The following CNTN3 variants were observed in gnomAD, a reference collection of about 807,000 sequenced individuals.
CNTN3 encodes the protein contactin-3.
In CNTN3, 60 loss-of-function variants were observed where a neutral mutation model predicts 119.1. The ratio of observed to expected loss-of-function variants is 0.50; its 90% CI spans 0.41 to 0.62. The LOEUF (loss-of-function observed/expected upper bound fraction) is 0.62. Among genes scored for constraint, CNTN3 ranks in the 20% least tolerant of loss-of-function variants. The probability of loss-of-function intolerance (pLI) is 0.00; values close to 1 mark genes in which losing one functional copy is unlikely to be tolerated. For synonymous variants in CNTN3, 450 were observed against 438.7 expected, an observed-to-expected ratio of 1.03 and a Z score of -0.32; for missense variants, 1,101 against 1,242.4, an observed-to-expected ratio of 0.89 and a Z score of 1.71.
At chr3:74,309,033 T>C (rs1702623718) in intron 13 of CNTN3, among the ~76,000 whole-genome samples, 1 of 152,160 alleles carries the variant, frequency 6.6e-6, no homozygotes, top group Non-Finnish European at 1.5e-5. Flanking sequence ...AATTAAAGAT[T>C]AGCACGTATT....
rs1355700091 is a variant in CNTN3, at chr3:74,562,318, C to T, written c.-80-41126G>A. ...GCACTGGTGTTATTTTCATAATTTCCCAAAATGTGTTTTCCTCTCTTTGTA... is the reference window on the plus strand; with the variant it reads ...GCACTGGTGTTATTTTCATAATTTCTCAAAATGTGTTTTCCTCTCTTTGTA... On this transcript the variant is annotated intron_variant, in intron 1 of 22. Coordinates refer to ENST00000263665, the MANE Select transcript of CNTN3 (RefSeq NM_020872.3). Among the ~76,000 whole-genome samples, 6 of 152,202 alleles carry T rather than the reference C, an allele frequency of 3.9e-5. No homozygotes were observed. In the South Asian group the frequency reaches 1.2e-3, roughly 32 times the overall value.
rs1704334845 is a variant in CNTN3 at position 74,371,374 on chromosome 3, A to C, written c.480T>G (p.Asn160Lys). 6.2e-7 allele frequency: 1 copy of C among 1,613,190 alleles called. No homozygotes were observed. Residue 160 changes from asparagine to lysine, a missense_variant, in exon 6 of 23, where the codon AAT becomes AAG. Physicochemically the swap from Asn to Lys is moderately conservative, Grantham distance 94. Coordinates refer to ENST00000263665, the MANE Select transcript of CNTN3 (RefSeq NM_020872.3). Reference sequence around the variant, plus strand: ...CTTCTTCAACAAACGATGGGTATTCATTGAAGATCCAAGCATATGACAGTT... The same window carrying C: ...CTTCTTCAACAAACGATGGGTATTCCTTGAAGATCCAAGCATATGACAGTT... ...SGELSYAWIF[N>K]EYPSFVEEDS... is the part of the protein sequence containing the mutation.
At chr3:74,404,210 A>G (rs980866269) in intron 5 of CNTN3, among the ~76,000 whole-genome samples, 1 of 152,128 alleles carries the variant, frequency 6.6e-6, no homozygotes, top group Non-Finnish European at 1.5e-5. Context: ...CTTTATGAGG[A>G]GTTCTTTATT....
Position 74,266,511 on chromosome 3 carries a change from T to A in CNTN3, c.2956A>T (p.Ser986Cys). The A allele has an allele frequency of 6.2e-7, 1 of 1,613,538 alleles. No homozygotes were observed. The highest frequency in any genetic ancestry group is 8.5e-7 in the Non-Finnish European group (1 of 1,179,540). The change falls in exon 22 of 23, where the codon AGT (serine) becomes TGT (cysteine). Residue 986 changes from serine (S) to cysteine (C), a missense_variant. By Grantham distance (112) the Ser-to-Cys change is moderately radical. Transcript: ENST00000263665. ...ATTCGTGGAATCCTGATCTGTTCAC[T>A]ACTGGTCCCATCCCCTCCATCTGTT... ...ATTDGGDGTSSEQIRIPRITS... is the reference protein window; with the variant it reads ...ATTDGGDGTSCEQIRIPRITS...
intron 19 of CNTN3, 29 bp downstream of exon 19, chr3:74,295,092 A>C: frequency 7.1e-7 from 1 of 1,417,420 alleles, no homozygotes; most frequent in Non-Finnish European, 1.0e-6. Context: ...GGTAACACAC[A>C]TACACAATTT....
intron 13 of CNTN3, among the ~76,000 whole-genome samples, chr3:74,333,627 A>G (rs888977224): frequency 6.6e-6 from 1 of 152,204 alleles, no homozygotes; most frequent in Non-Finnish European, 1.5e-5. Flanking sequence ...ACCTCATCTT[A>G]ATTTAACTAA....
intron 5 of CNTN3, among the ~76,000 whole-genome samples, chr3:74,394,515 T>G (rs2106835716): frequency 6.6e-6 from 1 of 152,236 alleles, no homozygotes; most frequent in Non-Finnish European, 1.5e-5. Context: ...GTCTCTCTGG[T>G]TGACAGTAAA....
chr3:74,319,630 C>A (rs917331232), intron 13 of CNTN3, among the ~76,000 whole-genome samples: 6 of 151,590 alleles, frequency 4.0e-5, no homozygotes, highest in Non-Finnish European at 5.9e-5. Flanking sequence ...TCTAAAACAC[C>A]AAAAACAATG....
chr3:74,304,698 T>C (rs1702525308), intron 13 of CNTN3, among the ~76,000 whole-genome samples: 1 of 152,160 alleles, frequency 6.6e-6, no homozygotes, highest in Admixed American at 6.6e-5. Flanking sequence ...TGAAGACAAA[T>C]AGCTGCATCA....
intron 1 of CNTN3, among the ~76,000 whole-genome samples, chr3:74,551,281 C>T (rs965825576): frequency 6.6e-6 from 1 of 152,162 alleles, no homozygotes; most frequent in African/African-American, 2.4e-5. Context: ...CAGAAGCTGT[C>T]AGACTGATAA....
intron 5 of CNTN3, among the ~76,000 whole-genome samples, chr3:74,388,937 G>T (rs1365358756): frequency 1.3e-5 from 2 of 152,082 alleles, no homozygotes; most frequent in Non-Finnish European, 2.9e-5. Flanking sequence ...AATCCCTGCA[G>T]TTTTCTGTAT....
chr3:74,465,579 T>C (rs1181836733), intron 4 of CNTN3, among the ~76,000 whole-genome samples: 1 of 152,232 alleles, frequency 6.6e-6, no homozygotes, highest in Non-Finnish European at 1.5e-5. Context: ...TTTCTTCTTA[T>C]ATCTATCCAG....
chr3:74,334,380 G>A (rs561364612), intron 13 of CNTN3, among the ~76,000 whole-genome samples: 19 of 152,290 alleles, frequency 1.2e-4, no homozygotes, highest in African/African-American at 3.8e-4. Flanking sequence ...GAGACACTTA[G>A]TAAGTGCAGC....
At chr3:74,537,470 A>C (rs1703782489) in intron 1 of CNTN3, among the ~76,000 whole-genome samples, 1 of 152,140 alleles carries the variant, frequency 6.6e-6, no homozygotes, top group Non-Finnish European at 1.5e-5. Context: ...AGGGTTGTCA[A>C]TGCATTTGGG....
chr3:74,593,185 A>C (rs1704734211), intron 1 of CNTN3, among the ~76,000 whole-genome samples: 1 of 151,956 alleles, frequency 6.6e-6, no homozygotes, highest in African/African-American at 2.4e-5. Context: ...TCTATAGTGC[A>C]TTGTGGCTAA....
chr3:74,548,534 T>C lies in CNTN3; in HGVS notation c.-80-27342A>G, dbSNP rs71319857. Among the ~76,000 whole-genome samples, 3 of 152,202 alleles carry C rather than the reference T, an allele frequency of 2.0e-5. No individual in the cohort carries two copies. In the East Asian group the frequency reaches 5.8e-4, roughly 29 times the overall value. On this transcript the variant is annotated intron_variant, in intron 1 of 22. Coordinates refer to ENST00000263665, the MANE Select transcript of CNTN3 (RefSeq NM_020872.3). ...TGGAATAAACATTCCTTGCTCATTGTTATTATCCTTTTAATACATTGCTAA... is the reference window on the plus strand; with the variant it reads ...TGGAATAAACATTCCTTGCTCATTGCTATTATCCTTTTAATACATTGCTAA...
At chr3:74,342,287 G>A (rs931389018) in intron 11 of CNTN3, among the ~76,000 whole-genome samples, 5 of 152,128 alleles carry the variant, frequency 3.3e-5, no homozygotes, top group African/African-American at 1.2e-4. Context: ...TTCTCCTTGA[G>A]TTCAAAGATA....
chr3:74,394,231 A>G (rs955958551), intron 5 of CNTN3, among the ~76,000 whole-genome samples: 3 of 152,196 alleles, frequency 2.0e-5, no homozygotes, highest in Non-Finnish European at 4.4e-5. Context: ...TAGTAAGTTA[A>G]TAACTATAAA....
intron 1 of CNTN3, among the ~76,000 whole-genome samples, chr3:74,556,878 C>A (rs1442469322): frequency 6.6e-6 from 1 of 152,150 alleles, no homozygotes; most frequent in African/African-American, 2.4e-5. Context: ...ATTTGCATTT[C>A]CCTAATGGCT....
Sources: gnomAD v4.1 joint callset for allele counts (sites outside exome capture counted in the v4.1 genomes callset) on GRCh38, gnomAD v4.1.1 for gene constraint, MANE v1.5 for transcripts, NCBI Gene and HGNC (gene_info 2026-07-23, HGNC 2026-07-21) for gene names.